The following MAST4 variants were observed in gnomAD, a reference collection of about 807,000 sequenced individuals.
MAST4 encodes microtubule-associated serine/threonine-protein kinase 4.
Under a neutral mutation model 162.7 loss-of-function variants are expected in MAST4, and 89 were observed. The observed-to-expected ratio is 0.55, with a 90% CI of 0.46 to 0.65. The LOEUF is 0.65. Among genes scored for constraint, MAST4 ranks in the 30% least tolerant of loss-of-function variants. The probability of loss-of-function intolerance (pLI) is 0.00; values close to 1 mark genes in which losing one functional copy is unlikely to be tolerated. For synonymous variants in MAST4, 1,479 were observed against 1,361.1 expected, an observed-to-expected ratio of 1.09 and a Z score of -1.91; for missense variants, 3,153 against 3,374.0, an observed-to-expected ratio of 0.93 and a Z score of 1.62.
chr5:67,118,819 AGT>A, intron 13 of MAST4, 70 bp downstream of exon 13: 1 of 879,674 alleles, frequency 1.1e-6, no homozygotes, highest in Non-Finnish European at 1.8e-6. Flanking sequence ...TGGCTATGTT[AGT>A]TTATTTGTTC....
At chr5:67,030,869 C>G (rs1318133225) in intron 4 of MAST4, among the ~76,000 whole-genome samples, 1 of 152,048 alleles carries the variant, frequency 6.6e-6, no homozygotes, top group East Asian at 1.9e-4. Context: ...GCTAAAGAGG[C>G]CAAGGTCATG....
intron 1 of MAST4, among the ~76,000 whole-genome samples, chr5:66,683,653 C>T (rs191460238): frequency 3.1e-3 from 478 of 152,290 alleles, no homozygotes; most frequent in Non-Finnish European, 5.3e-3. Context: ...CTAAAAACCA[C>T]TCCGGATACA....
intron 6 of MAST4, among the ~76,000 whole-genome samples, chr5:67,092,479 G>A (rs1763976182): frequency 3.9e-5 from 6 of 152,176 alleles, no homozygotes; most frequent in Admixed American, 3.3e-4. Flanking sequence ...GATTTTGTCT[G>A]GAGGAAGGCC....
intron 1 of MAST4, among the ~76,000 whole-genome samples, chr5:66,717,974 C>T (rs1052093522): frequency 2.2e-4 from 34 of 152,270 alleles, no homozygotes; most frequent in African/African-American, 7.7e-4. Context: ...TAGCCTTCCT[C>T]CATCCCTGAG....
chr5:66,971,784 A>G (rs931676574), intron 4 of MAST4, among the ~76,000 whole-genome samples: 37 of 152,196 alleles, frequency 2.4e-4, no homozygotes, highest in African/African-American at 6.3e-4. Context: ...GTTATATCCT[A>G]TGTTCCATTT....
chr5:66,858,733 A>G (rs1018030300), intron 3 of MAST4, among the ~76,000 whole-genome samples: 4 of 152,136 alleles, frequency 2.6e-5, no homozygotes, highest in African/African-American at 9.7e-5. Context: ...TTTTGGTTAG[A>G]ATTACAGTGG....
intron 1 of MAST4, among the ~76,000 whole-genome samples, chr5:66,700,788 T>A (rs1298284599): frequency 9.5e-6 from 1 of 105,614 alleles, no homozygotes; most frequent in Non-Finnish European, 1.9e-5. Context: ...AAATTATATA[T>A]ATATATATAT....
Position 66,704,492 on chromosome 5 carries a change from C to CTTTTTTTTT in MAST4, c.364-55203_364-55195dup, listed in dbSNP as rs1172510331. Among the ~76,000 whole-genome samples the CTTTTTTTTT allele has an allele frequency of 7.7e-4, 75 of 97,336 alleles. 3 individuals carry two copies. Among genetic ancestry groups the CTTTTTTTTT allele is most frequent in the Non-Finnish European group, 1.0e-3 (53 of 51,836 alleles). The allele number at this position is 97,336 out of a possible 152,430, so 63.9% of individuals were successfully genotyped here. On this transcript the variant is annotated intron_variant, in intron 1 of 28. Transcript: ENST00000403625. ...TGCATCCTCTCTGTTGCTTGTTGTTCTTTTTTTTTTTTTTTTTTTTTTGAG... is the reference window on the plus strand; with the variant it reads ...TGCATCCTCTCTGTTGCTTGTTGTTCTTTTTTTTTTTTTTTTTTTTTTTTTTTTTTTGAG...
At chr5:66,891,219 G>T (rs1762342966) in intron 3 of MAST4, among the ~76,000 whole-genome samples, 1 of 152,030 alleles carries the variant, frequency 6.6e-6, no homozygotes, top group African/African-American at 2.4e-5. Context: ...CCTCATCTCT[G>T]AATGGTACCC....
In MAST4 at chr5:66,969,916, G is replaced by C. The variant is rs183663593; in HGVS notation, c.674+69934G>C. Among the ~76,000 whole-genome samples, 470 of 152,306 alleles carry C rather than the reference G, an allele frequency of 3.1e-3. 2 individuals are homozygous for C. Among genetic ancestry groups the C allele is most frequent in the African/African-American group, 0.011 (443 of 41,564 alleles). ...AATCTGAAGATGCTCGTACCAGATG[G>C]TAATTTCTTTGTACTCTACAGACAC... On this transcript the variant is annotated intron_variant, in intron 4 of 28. Transcript: ENST00000403625.
At chr5:67,162,049 G>A (rs1179449289) in intron 27 of MAST4, among the ~76,000 whole-genome samples, 4 of 152,112 alleles carry the variant, frequency 2.6e-5, no homozygotes, top group Middle Eastern at 3.2e-3. Flanking sequence ...GATACGATAC[G>A]CTTCAGCTTC....
intron 11 of MAST4, among the ~76,000 whole-genome samples, chr5:67,111,430 A>G (rs751145020): frequency 6.6e-6 from 1 of 152,078 alleles, no homozygotes; most frequent in African/African-American, 2.4e-5. Context: ...GGAGAAAGGT[A>G]GGGAGTTGGG....
chr5:66,939,725 T>A (rs149360006), intron 4 of MAST4, among the ~76,000 whole-genome samples: 97 of 152,176 alleles, frequency 6.4e-4, no homozygotes, highest in African/African-American at 2.3e-3. Context: ...ACAAGATACC[T>A]CAGAGATATT....
At chr5:66,696,159 C>T (rs950931634) in intron 1 of MAST4, among the ~76,000 whole-genome samples, 26 of 151,968 alleles carry the variant, frequency 1.7e-4, no homozygotes, top group Non-Finnish European at 4.4e-5. Context: ...AATGAGAACA[C>T]ATGGGGATAT....
In MAST4 at chr5:67,166,673, C is replaced by T. The variant is rs1168188198; in HGVS notation, c.7494C>T (p.Ser2498=). Residue 2498 remains serine (S), a synonymous_variant, in exon 29 of 29, where the codon AGC becomes AGT. Coordinates refer to ENST00000403625, the MANE Select transcript of MAST4 (RefSeq NM_001164664.2). ...AGGMLELPAP[S]NRDHRKAQPA... is the part of the protein sequence containing the mutation. ...GCATGCTGGAGCTTCCAGCCCCCAGCAACAGGGACCATAGGAAGGCTCAGC... is the reference window on the plus strand; with the variant it reads ...GCATGCTGGAGCTTCCAGCCCCCAGTAACAGGGACCATAGGAAGGCTCAGC... The T allele has an allele frequency of 1.3e-6, 2 of 1,596,380 alleles. No individual in the cohort carries two copies. The highest frequency in any genetic ancestry group is 2.3e-5 in the South Asian group (2 of 88,030).
intron 1 of MAST4, among the ~76,000 whole-genome samples, chr5:66,678,133 T>A (rs1036388432): frequency 5.3e-5 from 8 of 151,988 alleles, no homozygotes; most frequent in African/African-American, 1.9e-4. Flanking sequence ...GAGGACATTA[T>A]GTTAACTGAA....
chr5:66,998,560 A>T (rs1030003781), intron 4 of MAST4, among the ~76,000 whole-genome samples: 19 of 152,316 alleles, frequency 1.2e-4, no homozygotes, highest in African/African-American at 4.3e-4. Flanking sequence ...TAAAACACAT[A>T]TAGGGTCAGT....
intron 1 of MAST4, among the ~76,000 whole-genome samples, chr5:66,738,483 C>G (rs865954384): frequency 7.8e-4 from 119 of 152,196 alleles, no homozygotes; most frequent in African/African-American, 2.6e-3. Flanking sequence ...GGCCCCTCTT[C>G]TAGCCTCTGG....
chr5:66,657,097 G>A (rs1746598743), intron 1 of MAST4, among the ~76,000 whole-genome samples: 1 of 152,174 alleles, frequency 6.6e-6, no homozygotes, highest in South Asian at 2.1e-4. Context: ...ACTTAAAAAT[G>A]TTCATTCCAG....
Sources: allele counts gnomAD v4.1 joint callset (sites outside exome capture counted in the v4.1 genomes callset), GRCh38; gene constraint gnomAD v4.1.1; transcripts MANE v1.5; gene names NCBI Gene and HGNC (gene_info 2026-07-23, HGNC 2026-07-21).